The following CACNA1E variants were observed in gnomAD, a reference collection of about 807,000 sequenced individuals.
CACNA1E encodes voltage-dependent R-type calcium channel subunit alpha-1E.
A neutral mutation model predicts 259.2 loss-of-function variants in CACNA1E; 40 were observed. The ratio of observed to expected loss-of-function variants is 0.15; its 90% CI spans 0.12 to 0.20. The LOEUF (loss-of-function observed/expected upper bound fraction) is 0.20, where lower values mean the gene tolerates loss of function less well. Ranked by LOEUF, CACNA1E falls within the 10% of genes least tolerant of loss-of-function variation. The pLI is 1.00. For missense variants in CACNA1E, 1,874 were observed against 3,040.1 expected, an observed-to-expected ratio of 0.62 and a Z score of 9.02; for synonymous variants, 1,104 against 1,138.5, an observed-to-expected ratio of 0.97 and a Z score of 0.61.
chr1:181,729,245 A>G (rs559376226), intron 18 of CACNA1E, among the ~76,000 whole-genome samples: 2 of 137,258 alleles, frequency 1.5e-5, no homozygotes. Context: ...CCCTGCACAG[A>G]TGTGTGTACA....
chr1:181,646,064 T>C (rs1658238262), intron 6 of CACNA1E, among the ~76,000 whole-genome samples: 3 of 152,166 alleles, frequency 2.0e-5, no homozygotes. Flanking sequence ...GAATTTTCCT[T>C]TCCCTAGGAG....
At chr1:181,458,863 AT>A (rs1661627706) in intron 2 of CACNA1E, among the ~76,000 whole-genome samples, 1 of 152,054 alleles carries the variant, frequency 6.6e-6, no homozygotes, top group East Asian at 1.9e-4. Context: ...CCATCCATCC[AT>A]CCATCCACCC....
chr1:181,731,174 G>A lies in CACNA1E; in HGVS notation c.2241-1G>A. Reference sequence around the variant, plus strand: ...TGAACCTGTCCATTTTTCTTCCCCAGAAGAGACAGAAGGAGAAGACACCAC... The same window carrying A: ...TGAACCTGTCCATTTTTCTTCCCCAAAAGAGACAGAAGGAGAAGACACCAC... On this transcript the variant is annotated splice_acceptor_variant, in intron 18 of 47. Coordinates refer to ENST00000367573, the MANE Select transcript of CACNA1E (RefSeq NM_001205293.3). LOFTEE classifies it high-confidence loss of function. 1 of 1,613,410 alleles carries A rather than the reference G, an allele frequency of 6.2e-7. No individual in the cohort carries two copies. Among genetic ancestry groups the A allele is most frequent in the Non-Finnish European group, 8.5e-7 (1 of 1,179,370 alleles).
rs1174952911 is a variant in CACNA1E at position 181,802,676 on chromosome 1, G to A, written c.*3842G>A. 1 of 152,212 alleles carries A rather than the reference G, an allele frequency of 6.6e-6. No homozygotes were observed. Among genetic ancestry groups the A allele is most frequent in the Admixed American group, 6.5e-5 (1 of 15,282 alleles). 9.4% of individuals were successfully genotyped at this position (152,212 alleles called of 1,614,324 possible). Reference sequence around the variant, plus strand: ...CTCCTCGCAAGACAACTGACACAAGGTGTAGGGTGTGGGGGTGGACAAAAT... The same window carrying A: ...CTCCTCGCAAGACAACTGACACAAGATGTAGGGTGTGGGGGTGGACAAAAT... On this transcript the variant is annotated 3_prime_UTR_variant, in exon 48 of 48. Coordinates refer to ENST00000367573, the MANE Select transcript of CACNA1E (RefSeq NM_001205293.3).
chr1:181,321,297 G>A (rs1650323694), intron 1 of CACNA1E, among the ~76,000 whole-genome samples: 1 of 152,110 alleles, frequency 6.6e-6, no homozygotes, highest in African/African-American at 2.4e-5. Context: ...CTTTTTGCCT[G>A]GCAACCTAGA....
At chr1:181,383,823 A>T (rs553400784) in intron 1 of CACNA1E, among the ~76,000 whole-genome samples, 1 of 152,260 alleles carries the variant, frequency 6.6e-6, no homozygotes, top group Admixed American at 6.5e-5. Flanking sequence ...GGCAAAAGGG[A>T]TGTGTGGCAC....
chr1:181,407,500 G>A (rs191282462), intron 1 of CACNA1E, among the ~76,000 whole-genome samples: 1 of 152,284 alleles, frequency 6.6e-6, no homozygotes, highest in Admixed American at 6.5e-5. Context: ...GTAGGTTCCT[G>A]AACCCACCCA....
chr1:181,587,839 C>G (rs2103009755), intron 6 of CACNA1E, among the ~76,000 whole-genome samples: 1 of 152,266 alleles, frequency 6.6e-6, no homozygotes, highest in East Asian at 1.9e-4. Context: ...GCCGAGATAG[C>G]GCCACTGCAG....
At chr1:181,537,687 G>A (rs1406672878) in intron 3 of CACNA1E, among the ~76,000 whole-genome samples, 1 of 152,158 alleles carries the variant, frequency 6.6e-6, no homozygotes, top group Non-Finnish European at 1.5e-5. Context: ...CATGAGGGTG[G>A]TAGTGGTGAT....
chr1:181,630,827 T>G (rs1226681894), intron 6 of CACNA1E, among the ~76,000 whole-genome samples: 1 of 152,176 alleles, frequency 6.6e-6, no homozygotes, highest in Non-Finnish European at 1.5e-5. Flanking sequence ...CCCTGGGACC[T>G]GAAACATTAG....
rs1662022139 is a variant in CACNA1E, at chr1:181,798,552, A to G, written c.6660A>G (p.Gln2220=). 2 of 1,613,796 alleles carry G rather than the reference A, an allele frequency of 1.2e-6. No individual in the cohort carries two copies. Among genetic ancestry groups the G allele is most frequent in the Non-Finnish European group, 1.7e-6 (2 of 1,179,876 alleles). ...ACTCTCCGCACCCCCAGCAGAGCCAACATGCCTCCCCACAGCGCTACATCT... is the reference window on the plus strand; with the variant it reads ...ACTCTCCGCACCCCCAGCAGAGCCAGCATGCCTCCCCACAGCGCTACATCT... ...SSNSPHPQQS[Q]HASPQRYISE... is the part of the protein sequence containing the mutation. Residue 2220 remains glutamine, a synonymous_variant, in exon 48 of 48, where the codon CAA becomes CAG. Coordinates refer to ENST00000367573, the MANE Select transcript of CACNA1E (RefSeq NM_001205293.3). This position sits in a 1 kb window ranked among gnomAD's most constrained non-coding sequence, Gnocchi z 4.2.
At position 181,732,675 on chromosome 1, in the gene CACNA1E, A is replaced by T; in HGVS notation, c.2589A>T (p.Arg863=). The change falls in exon 20 of 48, where the codon CGA becomes CGT. Residue 863 remains arginine (R), a synonymous_variant. Transcript: ENST00000367573. This position sits in a 1 kb window ranked among gnomAD's most constrained non-coding sequence, Gnocchi z 5.5. The part of the protein sequence containing the change: ...GGSLKGDGGD[R]SSALDNQRTP... ...CCCTCAAGGGGGATGGAGGGGACCG[A>T]TCCAGTGCCCTGGACAACCAGAGGA... The T allele has an allele frequency of 6.5e-7, 1 of 1,527,358 alleles. No individual in the cohort carries two copies. Among genetic ancestry groups the T allele is most frequent in the Non-Finnish European group, 8.8e-7 (1 of 1,139,728 alleles). 94.6% of individuals were successfully genotyped at this position (1,527,358 alleles called of 1,614,324 possible).
intron 1 of CACNA1E, among the ~76,000 whole-genome samples, chr1:181,333,653 TTTTC>T (rs1300770246): frequency 2.0e-5 from 3 of 152,136 alleles, no homozygotes; most frequent in African/African-American, 4.8e-5. Context: ...CTTCATTTCT[TTTTC>T]TTTCTTTTTT....
At chr1:181,725,149 G>A (rs73043488) in intron 17 of CACNA1E, among the ~76,000 whole-genome samples, 3 of 152,354 alleles carry the variant, frequency 2.0e-5, no homozygotes, top group South Asian at 4.1e-4. Flanking sequence ...TTCACAGAGG[G>A]TGCCAATTTG....
chr1:181,621,813 C>A (rs1045531797), intron 6 of CACNA1E, among the ~76,000 whole-genome samples: 19 of 152,126 alleles, frequency 1.2e-4, no homozygotes, highest in Non-Finnish European at 2.5e-4. Context: ...GACTGAGTGA[C>A]CTATTGTGCT....
chr1:181,740,943 G>A (rs1023344322), intron 25 of CACNA1E, among the ~76,000 whole-genome samples: 9 of 152,298 alleles, frequency 5.9e-5, no homozygotes, highest in South Asian at 2.1e-4. Flanking sequence ...CTCCTCTTCC[G>A]TCTTCTTGGA....
intron 6 of CACNA1E, among the ~76,000 whole-genome samples, chr1:181,628,906 C>G (rs1026158721): frequency 2.0e-5 from 3 of 152,142 alleles, no homozygotes; most frequent in African/African-American, 7.2e-5. Context: ...GATTTTCTTG[C>G]CTTTTTTTCT....
intron 3 of CACNA1E, among the ~76,000 whole-genome samples, chr1:181,553,796 G>A: frequency 6.6e-6 from 1 of 152,132 alleles, no homozygotes; most frequent in East Asian, 1.9e-4. Context: ...TTTTGTGATG[G>A]ATTATGTTTA....
intron 8 of CACNA1E, among the ~76,000 whole-genome samples, chr1:181,712,917 A>C (rs1382365833): frequency 6.6e-6 from 1 of 152,088 alleles, no homozygotes; most frequent in East Asian, 1.9e-4. Flanking sequence ...CTGCTTTTCA[A>C]ATACTTGCAG....
Sources: allele counts gnomAD v4.1 joint callset (sites outside exome capture counted in the v4.1 genomes callset), GRCh38; gene constraint gnomAD v4.1.1; non-coding constraint Gnocchi (gnomAD v3.1); transcripts MANE v1.5; gene names NCBI Gene and HGNC (gene_info 2026-07-23, HGNC 2026-07-21).